The following SPOCK3 variants were observed in gnomAD, a reference collection of about 807,000 sequenced individuals.
SPOCK3 encodes testican-3.
SPOCK3 carries 30 observed loss-of-function variants against 56.6 expected under a neutral mutation model. The ratio of observed to expected loss-of-function variants is 0.53; its 90% CI spans 0.40 to 0.72. SPOCK3 has a LOEUF of 0.72. Ranked by LOEUF, SPOCK3 falls within the 30% of genes least tolerant of loss-of-function variation. The pLI is 0.00. For synonymous variants in SPOCK3, 196 were observed against 183.3 expected (o/e 1.07, Z -0.56); for missense variants, 527 against 530.0 (o/e 0.99, Z 0.06).
intron 6 of SPOCK3, among the ~76,000 whole-genome samples, chr4:166,863,055 TG>T (rs1731404082): frequency 6.6e-6 from 1 of 152,004 alleles, no homozygotes; most frequent in Admixed American, 6.6e-5. Context: ...AGACTAACAG[TG>T]GATCTCTCTG....
At chr4:167,222,728 AATAT>A (rs1311518864) in intron 2 of SPOCK3, among the ~76,000 whole-genome samples, 1 of 131,110 alleles carries the variant, frequency 7.6e-6, no homozygotes, top group Non-Finnish European at 1.5e-5. Flanking sequence ...TTGATATATG[AATAT>A]ATAAATATAT....
chr4:166,750,556 A>G (rs1736242901), intron 8 of SPOCK3, among the ~76,000 whole-genome samples: 1 of 78,360 alleles, frequency 1.3e-5, no homozygotes, highest in South Asian at 5.7e-4. Flanking sequence ...GGGAAGAATG[A>G]AAAAAAAATA....
rs1039378098 is a variant in SPOCK3, at chr4:166,738,468, C to CT, written c.995-865dup. ...TAATTTTACTCTATGGTTTTTTTTTCTTTTTTTATTATTATTATACTTGAA... is the reference window on the plus strand; with the variant it reads ...TAATTTTACTCTATGGTTTTTTTTTCTTTTTTTTATTATTATTATACTTGAA... On this transcript the variant is annotated intron_variant, in intron 9 of 10. Coordinates refer to ENST00000357545, the MANE Select transcript of SPOCK3 (RefSeq NM_001040159.2). Among the ~76,000 whole-genome samples the CT allele has an allele frequency of 6.1e-5, 9 of 147,718 alleles. No individual in the cohort carries two copies. The South Asian group carries it at 1.5e-3, about 25-fold the overall frequency.
intron 3 of SPOCK3, among the ~76,000 whole-genome samples, chr4:167,047,307 A>G (rs1326978809): frequency 2.0e-5 from 3 of 152,220 alleles, no homozygotes; most frequent in African/African-American, 7.2e-5. Flanking sequence ...AGTTATACTA[A>G]GTAGAAAGTT....
chr4:166,842,873 G>C (rs1323425153), intron 6 of SPOCK3, among the ~76,000 whole-genome samples: 1 of 152,228 alleles, frequency 6.6e-6, no homozygotes, highest in Non-Finnish European at 1.5e-5. Context: ...ATGGAACCGG[G>C]TGCTGTGTAG....
intron 4 of SPOCK3, among the ~76,000 whole-genome samples, chr4:166,921,465 C>A (rs1338460242): frequency 1.3e-5 from 2 of 151,982 alleles, no homozygotes; most frequent in African/African-American, 2.4e-5. Flanking sequence ...TATAGGCGCA[C>A]GCCACCACGC....
intron 2 of SPOCK3, among the ~76,000 whole-genome samples, chr4:167,088,672 C>A (rs750110377): frequency 6.6e-6 from 1 of 151,850 alleles, no homozygotes; most frequent in African/African-American, 2.4e-5. Context: ...ACCTCCTTGG[C>A]CAGGATGGTC....
intron 8 of SPOCK3, among the ~76,000 whole-genome samples, chr4:166,752,552 GTATATATA>G (rs36225376): frequency 1.6e-3 from 97 of 61,466 alleles, no homozygotes; most frequent in Non-Finnish European, 2.3e-3. Flanking sequence ...CTATATGTGT[GTATATATA>G]TATATATATA....
intron 5 of SPOCK3, among the ~76,000 whole-genome samples, chr4:166,895,990 C>T (rs1735340558): frequency 6.6e-6 from 1 of 152,102 alleles, no homozygotes; most frequent in Non-Finnish European, 1.5e-5. Flanking sequence ...ATGTGTACAT[C>T]TGACACCAGG....
At chr4:167,203,624 G>C (rs953169884) in intron 2 of SPOCK3, among the ~76,000 whole-genome samples, 1 of 151,708 alleles carries the variant, frequency 6.6e-6, no homozygotes, top group Non-Finnish European at 1.5e-5. Context: ...TTTGGATGTG[G>C]CTTTCTGGGA....
chr4:166,797,313 T>C (rs961650254), intron 6 of SPOCK3, among the ~76,000 whole-genome samples: 4 of 108,780 alleles, frequency 3.7e-5, no homozygotes, highest in Non-Finnish European at 7.7e-5. Context: ...GTGGCTTTTT[T>C]TTTTTTTTTA....
chr4:167,189,182 A>C (rs1732263663), intron 2 of SPOCK3, among the ~76,000 whole-genome samples: 1 of 146,076 alleles, frequency 6.8e-6, no homozygotes. Flanking sequence ...AAAATAAAAA[A>C]CCTTTACAAA....
chr4:166,970,954 C>A (rs1486013659), intron 4 of SPOCK3, among the ~76,000 whole-genome samples: 1 of 152,104 alleles, frequency 6.6e-6, no homozygotes, highest in Non-Finnish European at 1.5e-5. Context: ...CCTCAAACCC[C>A]TGTACTCAAG....
At chr4:167,202,707 T>C (rs1173606978) in intron 2 of SPOCK3, among the ~76,000 whole-genome samples, 1 of 151,878 alleles carries the variant, frequency 6.6e-6, no homozygotes, top group Admixed American at 6.6e-5. Flanking sequence ...AAGGATCTCT[T>C]TATACTTTTG....
chr4:166,795,686 C>A (rs1374181030), intron 6 of SPOCK3, among the ~76,000 whole-genome samples: 3 of 151,554 alleles, frequency 2.0e-5, no homozygotes, highest in Non-Finnish European at 2.9e-5. Context: ...TATTTTATAA[C>A]TAATAAATGA....
chr4:166,820,139 A>T (rs1258288573), intron 6 of SPOCK3, among the ~76,000 whole-genome samples: 2 of 152,060 alleles, frequency 1.3e-5, no homozygotes, highest in Non-Finnish European at 2.9e-5. Context: ...ACTAATTAAA[A>T]CAGTGAACAG....
intron 4 of SPOCK3, among the ~76,000 whole-genome samples, chr4:166,950,143 A>G (rs1163839951): frequency 6.6e-6 from 1 of 151,676 alleles, no homozygotes; most frequent in African/African-American, 2.4e-5. Flanking sequence ...AGACTGGCAA[A>G]TTGGATAAAG....
rs1468438891 is a variant in SPOCK3 at position 167,205,395 on chromosome 4, TATATA to T, written c.189+28585_189+28589del. 1.5e-3 allele frequency among the ~76,000 whole-genome samples: 70 copies of T among 46,912 alleles called. 1 individual carries two copies. The highest frequency in any genetic ancestry group is 4.7e-3 in the African/African-American group (51 of 10,742). 30.8% of individuals were successfully genotyped at this position (46,912 alleles called of 152,430 possible). A position where few individuals can be genotyped will look rare whatever the true frequency, so the allele number is the denominator to read the frequency against. ...TTATATATATAATATATATATTTTATATATAATATATTATATATTAAATATATAAT... is the reference window on the plus strand; with the variant it reads ...TTATATATATAATATATATATTTTATATATATTATATATTAAATATATAAT... On this transcript the variant is annotated intron_variant, in intron 2 of 10. Coordinates refer to ENST00000357545, the MANE Select transcript of SPOCK3 (RefSeq NM_001040159.2).
chr4:167,222,671 A>G lies in SPOCK3; in HGVS notation c.189+11314T>C, dbSNP rs1324005660. Among the ~76,000 whole-genome samples, 27 of 135,166 alleles carry G rather than the reference A, an allele frequency of 2.0e-4. No homozygotes were observed. The East Asian group carries it at 4.5e-3, about 23-fold the overall frequency. 88.7% of individuals were successfully genotyped at this position (135,166 alleles called of 152,430 possible). On this transcript the variant is annotated intron_variant, in intron 2 of 10. Transcript: ENST00000357545. ...TTCATATATAAATATATAAACATAG[A>G]TATATATTTATATATGAATATATAA...
Sources: allele counts gnomAD v4.1 joint callset (sites outside exome capture counted in the v4.1 genomes callset), GRCh38; gene constraint gnomAD v4.1.1; transcripts MANE v1.5; gene names NCBI Gene and HGNC (gene_info 2026-07-23, HGNC 2026-07-21).